The following RNMT variants were observed in gnomAD, a reference collection of about 807,000 sequenced individuals.
RNMT encodes the protein mRNA cap guanine-N(7) methyltransferase.
RNMT carries 27 observed loss-of-function variants against 56.0 expected under a neutral mutation model. The ratio of observed to expected loss-of-function variants is 0.48; its 90% CI spans 0.36 to 0.67. The LOEUF is 0.67. Ranked by LOEUF, RNMT falls within the 30% of genes least tolerant of loss-of-function variation. The pLI is 0.00. For synonymous variants in RNMT, 184 were observed against 176.2 expected (o/e 1.04, Z -0.35); for missense variants, 519 against 552.1 (o/e 0.94, Z 0.60).
In RNMT at chr18:13,741,513, CT is replaced by C. The variant is rs2044250756; in HGVS notation, c.798del (p.Leu267Ter). 1 of 1,609,254 alleles carries C rather than the reference CT, an allele frequency of 6.2e-7. No homozygotes were observed. Among genetic ancestry groups the C allele is most frequent in the South Asian group, 1.1e-5 (1 of 89,978 alleles). ...AACTCATTTTAATTTGTTTCAGGAACTTCTGATTGACAAATTTCGTGACCCA... is the reference window on the plus strand; with the variant it reads ...AACTCATTTTAATTTGTTTCAGGAACTCTGATTGACAAATTTCGTGACCCA... ...EFITADSSKE[L>X]LIDKFRDPQM... On this transcript the variant is annotated frameshift_variant, in exon 7 of 12. Transcript: ENST00000383314. LOFTEE classifies it high-confidence loss of function.
At chr18:13,743,594 T>C (rs939708877) in intron 8 of RNMT, among the ~76,000 whole-genome samples, 4 of 152,108 alleles carry the variant, frequency 2.6e-5, no homozygotes, top group South Asian at 2.1e-4. Flanking sequence ...GGCCTTGTGA[T>C]ACACCTTGGT....
chr18:13,734,754 A>G (rs1018508985), intron 4 of RNMT, among the ~76,000 whole-genome samples, 155 bp downstream of exon 4: 1 of 152,156 alleles, frequency 6.6e-6, no homozygotes, highest in East Asian at 1.9e-4. Flanking sequence ...TGAGTGTTTA[A>G]TTATTATGTT....
chr18:13,729,979 G>A (rs1384651124), intron 1 of RNMT, among the ~76,000 whole-genome samples: 1 of 151,988 alleles, frequency 6.6e-6, no homozygotes, highest in Admixed American at 6.6e-5. Flanking sequence ...TTGTAGAGAC[G>A]GGATTTTGCC....
intron 11 of RNMT, among the ~76,000 whole-genome samples, chr18:13,758,198 A>G (rs1369993216): frequency 1.3e-5 from 2 of 152,224 alleles, no homozygotes; most frequent in African/African-American, 2.4e-5. Context: ...TTGGAAGGAT[A>G]AATGAGCATT....
intron 11 of RNMT, among the ~76,000 whole-genome samples, chr18:13,759,519 T>G (rs1009199453): frequency 6.6e-6 from 1 of 152,216 alleles, no homozygotes; most frequent in African/African-American, 2.4e-5. Flanking sequence ...TGTCATGTTA[T>G]GTATGTTCCT....
chr18:13,760,450 C>T lies in RNMT; in HGVS notation c.*471C>T, dbSNP rs2044605820. On this transcript the variant is annotated 3_prime_UTR_variant, in exon 12 of 12. Transcript: ENST00000383314. ...GTCTGTACAGTTGAATGTAAGTGTT[C>T]AATATGTATTGCTGAAGTTATAAGT... 6.1e-6 allele frequency: 6 copies of T among 985,502 alleles called. No homozygotes were observed. In the South Asian group the frequency reaches 2.8e-4, roughly 46 times the overall value. 61.0% of individuals were successfully genotyped at this position (985,502 alleles called of 1,614,324 possible). A position where few individuals can be genotyped will look rare whatever the true frequency, so the allele number is the denominator to read the frequency against.
chr18:13,732,583 A>G (rs944429726), intron 3 of RNMT, among the ~76,000 whole-genome samples: 1 of 152,204 alleles, frequency 6.6e-6, no homozygotes, highest in Non-Finnish European at 1.5e-5. Flanking sequence ...TGGAAGTACC[A>G]CATTAGAAAG....
chr18:13,753,852 A>ACACACACACAG (rs1294785629), intron 10 of RNMT, among the ~76,000 whole-genome samples: 8 of 93,250 alleles, frequency 8.6e-5, no homozygotes, highest in Admixed American at 7.5e-4. Flanking sequence ...CACACACACA[A>ACACACACACAG]TGCCCTCTTC....
At chr18:13,752,286 T>C in intron 9 of RNMT, 40 bp from the exon 10 acceptor site, 3 of 1,248,196 alleles carry the variant, frequency 2.4e-6, no homozygotes, top group Non-Finnish European at 2.4e-6. Flanking sequence ...GAATTGTAAA[T>C]TTCCGTTATT....
intron 9 of RNMT, among the ~76,000 whole-genome samples, chr18:13,747,583 C>G (rs2044373698): frequency 6.6e-6 from 1 of 152,160 alleles, no homozygotes; most frequent in African/African-American, 2.4e-5. Flanking sequence ...TCAAGGCATA[C>G]TAACCTTTAG....
intron 1 of RNMT, among the ~76,000 whole-genome samples, chr18:13,727,399 G>A (rs1203556722): frequency 2.0e-5 from 3 of 152,340 alleles, no homozygotes; most frequent in South Asian, 4.1e-4. Flanking sequence ...CTGAGGGACA[G>A]CTCTCTTCCC....
intron 8 of RNMT, among the ~76,000 whole-genome samples, chr18:13,745,129 C>T (rs1022049477): frequency 2.6e-5 from 4 of 152,182 alleles, no homozygotes; most frequent in African/African-American, 4.8e-5. Context: ...TGATTTATAT[C>T]GGGGGCTGTC....
rs767899070 is a variant in RNMT at position 13,746,239 on chromosome 18, A to G, written c.1159A>G (p.Met387Val). ...GGACAGAATGGCAAAGAAGTACAAT[A>G]TGAAACTAGTCTACAAAAAAACATT... The part of the protein sequence containing the change: ...LLNEMAKKYN[M>V]KLVYKKTFLE... The change falls in exon 9 of 12, where the codon ATG (methionine) becomes GTG (valine). Residue 387 changes from methionine (M) to valine (V), a missense_variant. Physicochemically the swap from Met to Val is conservative, Grantham distance 21. Coordinates refer to ENST00000383314, the MANE Select transcript of RNMT (RefSeq NM_003799.3). The G allele has an allele frequency of 2.0e-6, 3 of 1,521,914 alleles. No homozygotes were observed. The highest frequency in any genetic ancestry group is 2.3e-5 in the East Asian group (1 of 44,226). 94.3% of individuals were successfully genotyped at this position (1,521,914 alleles called of 1,614,324 possible).
Position 13,740,239 on chromosome 18 carries a change from A to G in RNMT, c.752A>G (p.Tyr251Cys). 2 of 1,609,762 alleles carry G rather than the reference A, an allele frequency of 1.2e-6. No homozygotes were observed. Among genetic ancestry groups the G allele is most frequent in the Non-Finnish European group, 1.7e-6 (2 of 1,176,044 alleles). Residue 251 changes from tyrosine to cysteine, a missense_variant, in exon 6 of 12, where the codon TAT becomes TGT. Tyr to Cys is a radical substitution (Grantham distance 194). Coordinates refer to ENST00000383314, the MANE Select transcript of RNMT (RefSeq NM_003799.3). ...ATGAAAAATCGTCGTGATAGTGAATATATTTTCAGTGCAGAATTTATAACT... is the reference window on the plus strand; with the variant it reads ...ATGAAAAATCGTCGTGATAGTGAATGTATTTTCAGTGCAGAATTTATAACT... ...EDMKNRRDSE[Y>C]IFSAEFITAD...
At chr18:13,742,772 TG>T in intron 8 of RNMT, 120 bp downstream of exon 8, 1 of 736,416 alleles carries the variant, frequency 1.4e-6, no homozygotes, top group Non-Finnish European at 2.1e-6. Flanking sequence ...AGTATAATCT[TG>T]TTTTTTTGTT....
intron 9 of RNMT, among the ~76,000 whole-genome samples, chr18:13,746,802 CT>C (rs2044359481): frequency 6.6e-6 from 1 of 152,170 alleles, no homozygotes; most frequent in African/African-American, 2.4e-5. Context: ...ACAACAGTGC[CT>C]TTTGGTTACG....
At chr18:13,755,707 G>A (rs1244311516) in intron 11 of RNMT, among the ~76,000 whole-genome samples, 1 of 152,206 alleles carries the variant, frequency 6.6e-6, no homozygotes, top group Non-Finnish European at 1.5e-5. Flanking sequence ...TTGACACACT[G>A]GTGAGCATGT....
intron 8 of RNMT, among the ~76,000 whole-genome samples, chr18:13,743,341 TAAATA>T (rs2044289112): frequency 7.7e-5 from 1 of 12,952 alleles, no homozygotes; most frequent in Non-Finnish European, 2.5e-4. Flanking sequence ...AATAAATAAA[TAAATA>T]AATAAATAAA....
At chr18:13,742,789 G>GT (rs200642393) in intron 8 of RNMT, 137 bp downstream of exon 8, 500 of 586,870 alleles carry the variant, frequency 8.5e-4, no homozygotes, top group South Asian at 9.9e-4. Context: ...TTGTTTTTGT[G>GT]TTTTTAAAAA....
Sources: allele counts gnomAD v4.1 joint callset (sites outside exome capture counted in the v4.1 genomes callset), GRCh38; gene constraint gnomAD v4.1.1; transcripts MANE v1.5; gene names NCBI Gene and HGNC (gene_info 2026-07-23, HGNC 2026-07-21).